Variants in ZNF560 observed in about 807,000 individuals in gnomAD.
The protein encoded by ZNF560 is zinc finger protein 560.
A neutral mutation model predicts 81.8 loss-of-function variants in ZNF560; 54 were observed. That is an observed-to-expected ratio of 0.66 (90% CI 0.53 to 0.83). The LOEUF is 0.83. Ranked by LOEUF, ZNF560 falls within the 40% of genes least tolerant of loss-of-function variation. The probability of loss-of-function intolerance (pLI) is 0.00; values close to 1 mark genes in which losing one functional copy is unlikely to be tolerated. For missense variants in ZNF560, 940 were observed against 932.4 expected (o/e 1.01, Z -0.11); for synonymous variants, 321 against 317.9 (o/e 1.01, Z -0.10).
chr19:9,483,567 G>A (rs1476458744), intron 2 of ZNF560, among the ~76,000 whole-genome samples: 31 of 146,034 alleles, frequency 2.1e-4, no homozygotes, highest in East Asian at 1.1e-3. Context: ...CAGCCGCCCC[G>A]TCCGGGAGGG....
chr19:9,475,542 A>G (rs2073187108), intron 2 of ZNF560, among the ~76,000 whole-genome samples, 173 bp from the exon 3 acceptor site: 1 of 152,194 alleles, frequency 6.6e-6, no homozygotes, highest in Admixed American at 6.5e-5. Context: ...AGAGCAAGAA[A>G]AAGGAATTGT....
the ZNF560 span, among the ~76,000 whole-genome samples, chr19:9,458,161 C>G: frequency 2.0e-5 from 3 of 152,160 alleles, no homozygotes; most frequent in South Asian, 6.2e-4. Flanking sequence ...AATTATTATC[C>G]CTCTCACAAA....
At chr19:9,502,787 A>G (rs1209317846), upstream of ZNF560, among the ~76,000 whole-genome samples, 1 of 152,088 alleles carries the variant, frequency 6.6e-6, no homozygotes, top group Non-Finnish European at 1.5e-5. Context: ...ATTTCTGAAT[A>G]GTTTGTTGTA....
chr19:9,452,041 G>A, the ZNF560 span, among the ~76,000 whole-genome samples: 7,399 of 151,844 alleles, frequency 0.049, 623 homozygotes, highest in African/African-American at 0.17. Context: ...GTGCCACTGC[G>A]CTCCAGCCTG....
chr19:9,476,141 G>A (rs1215680604), intron 2 of ZNF560, among the ~76,000 whole-genome samples: 1 of 152,140 alleles, frequency 6.6e-6, no homozygotes, highest in Admixed American at 6.5e-5. Context: ...GTGTGGCTCT[G>A]TGTCCCCACC....
chr19:9,481,053 C>T (rs1430151622), intron 2 of ZNF560, among the ~76,000 whole-genome samples: 2 of 147,370 alleles, frequency 1.4e-5, no homozygotes, highest in Admixed American at 6.9e-5. Context: ...CACTGCATTC[C>T]ACCTGGGCAA....
chr19:9,470,341 T>A lies in ZNF560; in HGVS notation c.448+51A>T, dbSNP rs1010359819. On this transcript the variant is annotated intron_variant, in intron 7 of 9. Coordinates refer to ENST00000301480, the MANE Select transcript of ZNF560 (RefSeq NM_152476.3). ...CTAATCCTAGAATACAGTAAGTACA[T>A]AATTTGTATCTTGTTCCAGAATAGG... is the stretch of plus-strand genomic sequence containing the variant. 5 of 1,560,678 alleles carry A rather than the reference T, an allele frequency of 3.2e-6. No individual in the cohort carries two copies. The Admixed American group carries it at 7.6e-5, about 24-fold the overall frequency.
In ZNF560 at chr19:9,467,436, A is replaced by G. The variant is rs769194887; in HGVS notation, c.1511T>C (p.Phe504Ser). 1.2e-6 allele frequency: 2 copies of G among 1,614,088 alleles called. No homozygotes were observed. The highest frequency in any genetic ancestry group is 1.7e-6 in the Non-Finnish European group (2 of 1,179,994). ...ACCAGTGTGAGTTCTCAAATGAGCA[A>G]AAAGAGATGAGAAAGAAACAAAGAC... ...GKVFVSFSSLFAHLRTHTGEK... is the reference protein window; with the variant it reads ...GKVFVSFSSLSAHLRTHTGEK... Residue 504 changes from phenylalanine to serine, a missense_variant, in exon 10 of 10, where the codon TTT becomes TCT. Phe to Ser is a radical substitution (Grantham distance 155). Transcript: ENST00000301480.
chr19:9,489,605 ATT>A (rs112506039), intron 2 of ZNF560, among the ~76,000 whole-genome samples: 3 of 145,146 alleles, frequency 2.1e-5, no homozygotes, highest in Admixed American at 6.9e-5. Context: ...AGTCTCATGT[ATT>A]TTTTTTTTTT....
In ZNF560 at chr19:9,467,607, A is replaced by T; in HGVS notation, c.1340T>A (p.Leu447His). 1 of 1,614,130 alleles carries T rather than the reference A, an allele frequency of 6.2e-7. No homozygotes were observed. The highest frequency in any genetic ancestry group is 8.5e-7 in the Non-Finnish European group (1 of 1,180,012). The change falls in exon 10 of 10, where the codon CTT (leucine) becomes CAT (histidine). Residue 447 changes from leucine (L) to histidine (H), a missense_variant. Physicochemically the swap from Leu to His is moderately conservative, Grantham distance 99. Transcript: ENST00000301480. ...CGKAFISYPS[L>H]FGHLRVHNGE... ...ATTATGAACTCTCAAATGTCCAAAA[A>T]GAGATGGGTAAGAAATAAAGGCTTT...
intron 2 of ZNF560, among the ~76,000 whole-genome samples, chr19:9,493,543 G>A (rs1323184437): frequency 2.0e-5 from 3 of 152,020 alleles, no homozygotes; most frequent in Non-Finnish European, 4.4e-5. Context: ...TGTATTTTCA[G>A]TAGAGACAGG....
chr19:9,447,931 C>T, the ZNF560 span, among the ~76,000 whole-genome samples: 1 of 152,092 alleles, frequency 6.6e-6, no homozygotes, highest in Non-Finnish European at 1.5e-5. Flanking sequence ...AAGGTCAACG[C>T]TAGAGAAAAA....
the ZNF560 span, among the ~76,000 whole-genome samples, chr19:9,454,074 T>G: frequency 1.3e-5 from 2 of 152,176 alleles, no homozygotes; most frequent in African/African-American, 4.8e-5. Flanking sequence ...GGCGGAAAAC[T>G]TCTCAAGGCA....
chr19:9,478,070 C>T (rs1397914599), intron 2 of ZNF560, among the ~76,000 whole-genome samples: 1 of 152,098 alleles, frequency 6.6e-6, no homozygotes, highest in African/African-American at 2.4e-5. Context: ...TCAATCCAAA[C>T]AAGGCTACCC....
downstream of ZNF560, among the ~76,000 whole-genome samples, chr19:9,463,655 A>G (rs1490820609): frequency 1.3e-5 from 2 of 152,166 alleles, no homozygotes; most frequent in Non-Finnish European, 2.9e-5. Context: ...AACATGTAAC[A>G]TGAAAATGCA....
At chr19:9,483,456 T>C (rs1599669416) in intron 2 of ZNF560, among the ~76,000 whole-genome samples, 1 of 140,686 alleles carries the variant, frequency 7.1e-6, no homozygotes, top group Admixed American at 7.1e-5. Flanking sequence ...GTGAGGAGCG[T>C]CTCCGCCTGG....
chr19:9,475,381 A>G lies in ZNF560; in HGVS notation c.-56-12T>C. ...GTTCCTAGAAAGACCTGGAAAAGAA[A>G]GAAGGCATAAGAGCCCAGACATAAT... On this transcript the variant is annotated splice_polypyrimidine_tract_variant and intron_variant, in intron 2 of 9. Coordinates refer to ENST00000301480, the MANE Select transcript of ZNF560 (RefSeq NM_152476.3). 1.4e-6 allele frequency: 2 copies of G among 1,479,454 alleles called. No homozygotes were observed. The highest frequency in any genetic ancestry group is 1.9e-6 in the Non-Finnish European group (2 of 1,063,506). The allele number at this position is 1,479,454 out of a possible 1,614,324, so 91.6% of individuals were successfully genotyped here.
At chr19:9,460,002 C>T in the ZNF560 span, among the ~76,000 whole-genome samples, 9 of 151,886 alleles carry the variant, frequency 5.9e-5, no homozygotes, top group South Asian at 2.1e-4. Context: ...AGTGGAACAA[C>T]GGGTTTGGTG....
the ZNF560 span, among the ~76,000 whole-genome samples, chr19:9,452,705 G>A: frequency 6.6e-6 from 1 of 152,186 alleles, no homozygotes; most frequent in Admixed American, 6.5e-5. Flanking sequence ...AGTAATCATG[G>A]ATACAACGAT....
Sources: allele counts gnomAD v4.1 joint callset (sites outside exome capture counted in the v4.1 genomes callset), GRCh38; gene constraint gnomAD v4.1.1; transcripts MANE v1.5; gene names NCBI Gene and HGNC (gene_info 2026-07-23, HGNC 2026-07-21).